Variants in SCAMP2 observed in about 807,000 individuals in gnomAD.
The protein encoded by SCAMP2 is secretory carrier membrane protein 2.
A neutral mutation model predicts 44.1 loss-of-function variants in SCAMP2; 25 were observed. That is an observed-to-expected ratio of 0.57 (90% CI 0.41 to 0.79). SCAMP2 has a LOEUF of 0.79. SCAMP2 is among the 30% of genes least tolerant of loss of function. The pLI is 0.00. For missense variants in SCAMP2, 355 were observed against 411.0 expected (o/e 0.86, Z 1.18); for synonymous variants, 156 against 166.0 (o/e 0.94, Z 0.46).
rs774867765 is a variant in SCAMP2 at position 74,848,713 on chromosome 15, G to A, written c.633-12C>T. On this transcript the variant is annotated splice_polypyrimidine_tract_variant and intron_variant, in intron 6 of 8. Transcript: ENST00000268099. ...AAGAGTTGTCGGACCTGTGGAGAGAGAGGGAAATAAGTCACAAGAGGGCTT... is the reference window on the plus strand; with the variant it reads ...AAGAGTTGTCGGACCTGTGGAGAGAAAGGGAAATAAGTCACAAGAGGGCTT... 11 of 1,596,004 alleles carry A rather than the reference G, an allele frequency of 6.9e-6. No individual in the cohort carries two copies. Among genetic ancestry groups the A allele is most frequent in the Non-Finnish European group, 8.6e-6 (10 of 1,164,286 alleles).
chr15:74,862,930 G>A (rs2064518636), intron 1 of SCAMP2, among the ~76,000 whole-genome samples: 1 of 147,692 alleles, frequency 6.8e-6, no homozygotes, highest in African/African-American at 2.5e-5. Context: ...AAAAAAATAG[G>A]CTGGACACAT....
At chr15:74,860,990 C>T (rs999654535) in intron 1 of SCAMP2, among the ~76,000 whole-genome samples, 2 of 151,898 alleles carry the variant, frequency 1.3e-5, no homozygotes, top group African/African-American at 4.8e-5. Flanking sequence ...GTCTGGCTAA[C>T]AAGGTGAAAC....
At chr15:74,854,759 G>A (rs2064457486) in intron 1 of SCAMP2, 110 bp from the exon 2 acceptor site, 5 of 945,688 alleles carry the variant, frequency 5.3e-6, no homozygotes, top group Non-Finnish European at 8.1e-6. Context: ...CACCCTCCCG[G>A]GACCCTGAGA....
intron 1 of SCAMP2, among the ~76,000 whole-genome samples, chr15:74,866,316 G>C (rs1439151739): frequency 6.6e-6 from 1 of 151,806 alleles, no homozygotes; most frequent in African/African-American, 2.4e-5. Context: ...CTAAGAGTGA[G>C]GACATGCCTG....
Position 74,845,340 on chromosome 15 carries a change from C to T in SCAMP2, c.856-123G>A, listed in dbSNP as rs771815418. The T allele has an allele frequency of 3.8e-6, 6 of 1,583,128 alleles. No individual in the cohort carries two copies. The South Asian group carries it at 6.7e-5, about 18-fold the overall frequency. ...GCACTGCCTGACCCCCCACCCAGAT[C>T]CCTGGAGAAAGGTACTGGACCTTTG... On this transcript the variant is annotated intron_variant, in intron 8 of 8. Transcript: ENST00000268099.
At chr15:74,857,522 A>G (rs967117657) in intron 1 of SCAMP2, among the ~76,000 whole-genome samples, 1 of 152,212 alleles carries the variant, frequency 6.6e-6, no homozygotes, top group Non-Finnish European at 1.5e-5. Context: ...AGTCTGAGTC[A>G]CCAGAGGACA....
In SCAMP2 at chr15:74,854,785, G is replaced by C. The variant is rs73434500; in HGVS notation, c.58-136C>G. 2,118 of 707,790 alleles carry C rather than the reference G, an allele frequency of 3.0e-3. 28 individuals are homozygous for C. In the African/African-American group the frequency reaches 0.034, roughly 12 times the overall value. The allele number at this position is 707,790 out of a possible 1,614,324, so 43.8% of individuals were successfully genotyped here. A position where few individuals can be genotyped will look rare whatever the true frequency, so the allele number is the denominator to read the frequency against. Reference sequence around the variant, plus strand: ...GACCCTGAGAAGCCTCTCTGGAAGGGTCCTGTGCCTGCCTCTGCCACACCA... The same window carrying C: ...GACCCTGAGAAGCCTCTCTGGAAGGCTCCTGTGCCTGCCTCTGCCACACCA... On this transcript the variant is annotated intron_variant, in intron 1 of 8. Transcript: ENST00000268099.
At chr15:74,871,080 G>A (rs764042308) in intron 1 of SCAMP2, among the ~76,000 whole-genome samples, 4 of 152,206 alleles carry the variant, frequency 2.6e-5, no homozygotes, top group African/African-American at 4.8e-5. Flanking sequence ...AGGCATAGGA[G>A]CTCTGGAGGT....
At chr15:74,847,562 T>A (rs1041589989) in intron 7 of SCAMP2, among the ~76,000 whole-genome samples, 3 of 152,164 alleles carry the variant, frequency 2.0e-5, no homozygotes, top group African/African-American at 4.8e-5. Context: ...GAGGGCAGCG[T>A]GCACTTGTTT....
chr15:74,868,938 C>T (rs1387187427), intron 1 of SCAMP2, among the ~76,000 whole-genome samples: 1 of 152,088 alleles, frequency 6.6e-6, no homozygotes, highest in Non-Finnish European at 1.5e-5. Flanking sequence ...GGTGGATCAC[C>T]TGAGGTCTGG....
At chr15:74,864,603 G>A (rs16973172) in intron 1 of SCAMP2, among the ~76,000 whole-genome samples, 10,761 of 152,162 alleles carry the variant, frequency 0.071, 880 homozygotes, top group South Asian at 0.35. Context: ...GGACAACAGC[G>A]GGAAGACTGG....
chr15:74,844,921 C>T lies in SCAMP2; in HGVS notation c.*162G>A. ...GAGGGGGAAAAAATTCCCTGTCCCT[C>T]CCGTTCCAGGGAGAGCTGGTCGCTG... On this transcript the variant is annotated 3_prime_UTR_variant, in exon 9 of 9. Transcript: ENST00000268099. 1 of 744,800 alleles carries T rather than the reference C, an allele frequency of 1.3e-6. No individual in the cohort carries two copies. The highest frequency in any genetic ancestry group is 2.2e-6 in the Non-Finnish European group (1 of 462,106). 46.1% of individuals were successfully genotyped at this position (744,800 alleles called of 1,614,324 possible).
At chr15:74,851,890 A>C (rs185359948) in intron 4 of SCAMP2, 179 bp downstream of exon 4, 3 of 504,368 alleles carry the variant, frequency 5.9e-6, no homozygotes, top group Non-Finnish European at 3.5e-6. Context: ...TTACAACTAC[A>C]CTGCAGGTCT....
At chr15:74,867,679 C>T (rs1483757420) in intron 1 of SCAMP2, among the ~76,000 whole-genome samples, 1 of 152,232 alleles carries the variant, frequency 6.6e-6, no homozygotes, top group Admixed American at 6.5e-5. Context: ...ACCCAAATCA[C>T]GTTTCTGCCA....
At chr15:74,864,287 TC>T (rs2064527807) in intron 1 of SCAMP2, among the ~76,000 whole-genome samples, 2 of 152,172 alleles carry the variant, frequency 1.3e-5, no homozygotes, top group Admixed American at 1.3e-4. Context: ...GGTCTTGATC[TC>T]CTGACCTTGT....
intron 7 of SCAMP2, chr15:74,848,319 C>T (rs1372176892): frequency 1.1e-5 from 3 of 274,986 alleles, no homozygotes; most frequent in East Asian, 7.0e-5. Context: ...CTGCCTGCCT[C>T]GGCCTCCCAA....
intron 1 of SCAMP2, among the ~76,000 whole-genome samples, chr15:74,866,113 A>G (rs1478350043): frequency 6.6e-6 from 1 of 151,974 alleles, no homozygotes; most frequent in African/African-American, 2.4e-5. Flanking sequence ...GCATGAATAA[A>G]AACAAAAAAA....
In SCAMP2 at chr15:74,843,742, GTTT is replaced by G. The variant is rs1398054086; in HGVS notation, c.*1338_*1340del. The G allele has an allele frequency of 2.0e-5, 3 of 152,212 alleles. No individual in the cohort carries two copies. The highest frequency in any genetic ancestry group is 6.5e-5 in the Admixed American group (1 of 15,286). The allele number at this position is 152,212 out of a possible 1,614,324, so 9.4% of individuals were successfully genotyped here. ...ATGTGGACCCGTGTTGTCTGAAAAT[GTTT>G]TTATTTTTACTTAAGCACAAAAATT... On this transcript the variant is annotated 3_prime_UTR_variant, in exon 9 of 9. Transcript: ENST00000268099.
chr15:74,854,163 TAG>T, intron 2 of SCAMP2, 44 bp from the exon 3 acceptor site: 2 of 1,564,112 alleles, frequency 1.3e-6, no homozygotes, highest in African/African-American at 1.4e-5. Flanking sequence ...GGGACTCCAT[TAG>T]CTGGTGACGA....
Sources: allele counts gnomAD v4.1 joint callset (sites outside exome capture counted in the v4.1 genomes callset), GRCh38; gene constraint gnomAD v4.1.1; transcripts MANE v1.5; gene names NCBI Gene and HGNC (gene_info 2026-07-23, HGNC 2026-07-21).